RNF182: variants seen among roughly 807,000 people sequenced by gnomAD.
The protein encoded by RNF182 is ring finger protein 182.
A neutral mutation model predicts 14.4 loss-of-function variants in RNF182; 15 were observed. That is an observed-to-expected ratio of 1.04 (90% CI 0.70 to 1.60). The LOEUF is 1.60. Among genes scored for constraint, RNF182 ranks in the 40% most tolerant of loss-of-function variants. RNF182 has a pLI of 0.00. For synonymous variants in RNF182, 128 were observed against 122.9 expected, an observed-to-expected ratio of 1.04 and a Z score of -0.27; for missense variants, 268 against 294.8, an observed-to-expected ratio of 0.91 and a Z score of 0.67.
At chr6:13,941,086 T>C (rs140412318) in intron 1 of RNF182, among the ~76,000 whole-genome samples, 8 of 152,188 alleles carry the variant, frequency 5.3e-5, no homozygotes, top group Non-Finnish European at 1.2e-4. Context: ...TTGGGTCAAA[T>C]TCATTAATTG....
chr6:13,937,703 A>G (rs755879765), intron 1 of RNF182, among the ~76,000 whole-genome samples: 1 of 152,180 alleles, frequency 6.6e-6, no homozygotes, highest in Non-Finnish European at 1.5e-5. Flanking sequence ...GGTTATATGT[A>G]TGATTTAGCT....
intron 1 of RNF182, among the ~76,000 whole-genome samples, chr6:13,953,471 G>A (rs1759645681): frequency 6.6e-6 from 1 of 152,124 alleles, no homozygotes; most frequent in Admixed American, 6.6e-5. Context: ...TGGGATTTTG[G>A]GGCTGTCAGG....
At chr6:13,927,260 TAATG>T (rs1758853381) in intron 1 of RNF182, among the ~76,000 whole-genome samples, 1 of 152,146 alleles carries the variant, frequency 6.6e-6, no homozygotes, top group Non-Finnish European at 1.5e-5. Context: ...CATAACCAGA[TAATG>T]AAAGAAAAAA....
In RNF182 at chr6:13,968,292, TA is replaced by T. The variant is rs1760087871; in HGVS notation, c.-366-5917del. Among the ~76,000 whole-genome samples, 7 of 152,308 alleles carry T rather than the reference TA, an allele frequency of 4.6e-5. No individual in the cohort carries two copies. The South Asian group carries it at 1.4e-3, about 32-fold the overall frequency. ...GACGATAACAGAATTTGCGGAACTCTACAGCAATGAATTTGAAAACCCAGAA... is the reference window on the plus strand; with the variant it reads ...GACGATAACAGAATTTGCGGAACTCTCAGCAATGAATTTGAAAACCCAGAA... On this transcript the variant is annotated intron_variant, in intron 1 of 2. Transcript: ENST00000488300.
At chr6:13,975,460 C>A (rs538863016) in intron 2 of RNF182, among the ~76,000 whole-genome samples, 1 of 152,226 alleles carries the variant, frequency 6.6e-6, no homozygotes, top group East Asian at 1.9e-4. Flanking sequence ...TACAGGCATA[C>A]ATATACTGTA....
At chr6:13,962,683 G>A (rs1304266705) in intron 1 of RNF182, among the ~76,000 whole-genome samples, 1 of 152,156 alleles carries the variant, frequency 6.6e-6, no homozygotes, top group Admixed American at 6.5e-5. Context: ...AGAAAGCAGT[G>A]TTTACAACAT....
intron 1 of RNF182, among the ~76,000 whole-genome samples, chr6:13,930,652 A>G (rs536783714): frequency 6.6e-6 from 1 of 152,382 alleles, no homozygotes; most frequent in East Asian, 1.9e-4. Context: ...GTAGGACTAA[A>G]TAAGAGACAG....
intron 2 of RNF182, among the ~76,000 whole-genome samples, chr6:13,975,503 C>T (rs759020018): frequency 3.9e-5 from 6 of 152,102 alleles, no homozygotes; most frequent in Non-Finnish European, 8.8e-5. Context: ...TTTTGGCTAC[C>T]AGAGATTCTA....
At chr6:13,976,169 T>C (rs1187806330) in intron 2 of RNF182, among the ~76,000 whole-genome samples, 3 of 152,244 alleles carry the variant, frequency 2.0e-5, no homozygotes, top group Non-Finnish European at 2.9e-5. Flanking sequence ...TAGCTATGCA[T>C]GTTTTATCTG....
intron 1 of RNF182, among the ~76,000 whole-genome samples, chr6:13,967,619 C>T (rs1037224281): frequency 1.3e-5 from 2 of 152,052 alleles, no homozygotes; most frequent in Admixed American, 1.3e-4. Context: ...AAAAGATTTT[C>T]TTATAGATTT....
chr6:13,964,205 C>T (rs1010494119), intron 1 of RNF182, among the ~76,000 whole-genome samples: 2 of 152,096 alleles, frequency 1.3e-5, no homozygotes, highest in African/African-American at 2.4e-5. Context: ...AAATGATTCT[C>T]ATACCCTTGA....
chr6:13,926,955 T>G (rs1246013262), intron 1 of RNF182, among the ~76,000 whole-genome samples: 1 of 152,220 alleles, frequency 6.6e-6, no homozygotes, highest in African/African-American at 2.4e-5. Flanking sequence ...ATCTGAGTGC[T>G]GAAGAACGGA....
At chr6:13,940,441 G>A (rs1759265073) in intron 1 of RNF182, among the ~76,000 whole-genome samples, 1 of 152,148 alleles carries the variant, frequency 6.6e-6, no homozygotes, top group Non-Finnish European at 1.5e-5. Context: ...AGAGATTGGT[G>A]TAAGTAGCTG....
At chr6:13,940,220 G>C (rs1759259167) in intron 1 of RNF182, among the ~76,000 whole-genome samples, 1 of 152,130 alleles carries the variant, frequency 6.6e-6, no homozygotes, top group African/African-American at 2.4e-5. Flanking sequence ...ATGAACATGT[G>C]TTGAGTTTTA....
In RNF182 at chr6:13,956,941, G is replaced by A. The variant is rs553248925; in HGVS notation, c.-366-17269G>A. 2.6e-5 allele frequency among the ~76,000 whole-genome samples: 4 copies of A among 152,008 alleles called. No individual in the cohort carries two copies. In the East Asian group the frequency reaches 5.8e-4, roughly 22 times the overall value. ...CCCCCACCATACACACACACCCAGG[G>A]CAGTACTAATCCCTTTGTTCTACAT... On this transcript the variant is annotated intron_variant, in intron 1 of 2. Coordinates refer to ENST00000488300, the MANE Select transcript of RNF182 (RefSeq NM_152737.4).
In RNF182 at chr6:13,977,000, C is replaced by A; in HGVS notation, c.-120C>A. 1 of 1,087,136 alleles carries A rather than the reference C, an allele frequency of 9.2e-7. No individual in the cohort carries two copies. Among genetic ancestry groups the A allele is most frequent in the Non-Finnish European group, 1.3e-6 (1 of 752,386 alleles). 67.3% of individuals were successfully genotyped at this position (1,087,136 alleles called of 1,614,324 possible). On this transcript the variant is annotated 5_prime_UTR_variant, in exon 3 of 3. Coordinates refer to ENST00000488300, the MANE Select transcript of RNF182 (RefSeq NM_152737.4). Reference sequence around the variant, plus strand: ...GGAAGATTTCTGGTTTCTTTCACTACTTATCCTGCCTTTTTGCATCGCTGC... The same window carrying A: ...GGAAGATTTCTGGTTTCTTTCACTAATTATCCTGCCTTTTTGCATCGCTGC...
intron 1 of RNF182, among the ~76,000 whole-genome samples, chr6:13,928,533 A>T (rs1389570151): frequency 2.6e-5 from 4 of 152,250 alleles, no homozygotes; most frequent in South Asian, 2.1e-4. Context: ...AAAGTTTTAT[A>T]TTTCCAGAGC....
chr6:13,937,901 A>G (rs1030730733), intron 1 of RNF182, among the ~76,000 whole-genome samples: 12 of 150,844 alleles, frequency 8.0e-5, no homozygotes, highest in Admixed American at 6.6e-4. Context: ...AATAAGTGAT[A>G]TTGAGCATTT....
At chr6:13,962,238 C>T (rs1759901522) in intron 1 of RNF182, among the ~76,000 whole-genome samples, 1 of 152,114 alleles carries the variant, frequency 6.6e-6, no homozygotes, top group Non-Finnish European at 1.5e-5. Context: ...GTAGATGCCA[C>T]ATGTGTGGTT....
Sources: allele counts gnomAD v4.1 joint callset (sites outside exome capture counted in the v4.1 genomes callset), GRCh38; gene constraint gnomAD v4.1.1; transcripts MANE v1.5; gene names NCBI Gene and HGNC (gene_info 2026-07-23, HGNC 2026-07-21).